OPCML: variants seen among roughly 807,000 people sequenced by gnomAD.
OPCML encodes the protein opioid-binding protein/cell adhesion molecule.
A neutral mutation model predicts 37.8 loss-of-function variants in OPCML; 13 were observed. The ratio of observed to expected loss-of-function variants is 0.34; its 90% CI spans 0.22 to 0.55. OPCML has a LOEUF of 0.55. Among genes scored for constraint, OPCML ranks in the 20% least tolerant of loss-of-function variants. The probability of loss-of-function intolerance (pLI) is 0.91; values close to 1 mark genes in which losing one functional copy is unlikely to be tolerated. For missense variants in OPCML, 341 were observed against 435.6 expected (o/e 0.78, Z 1.93); for synonymous variants, 176 against 168.8 (o/e 1.04, Z -0.33).
chr11:133,025,547 A>G, intron 1 of OPCML: 14 of 817,114 alleles, frequency 1.7e-5, no homozygotes, highest in Non-Finnish European at 2.1e-5. Flanking sequence ...GAAAATTTAA[A>G]AAGAGTGGTT....
intron 3 of OPCML, among the ~76,000 whole-genome samples, chr11:132,539,220 G>A (rs924024781): frequency 2.6e-5 from 4 of 152,168 alleles, no homozygotes; most frequent in African/African-American, 9.7e-5. Flanking sequence ...CTATGAAGTG[G>A]TGCAAAGCTC....
intron 1 of OPCML, among the ~76,000 whole-genome samples, chr11:132,988,225 C>A (rs1407590560): frequency 6.6e-6 from 1 of 152,146 alleles, no homozygotes; most frequent in Admixed American, 6.5e-5. Context: ...CTGGTCAAGG[C>A]TGTGGTTTTC....
chr11:133,465,832 G>C (rs1946965973), intron 1 of OPCML, among the ~76,000 whole-genome samples: 1 of 152,102 alleles, frequency 6.6e-6, no homozygotes, highest in Non-Finnish European at 1.5e-5. Context: ...AAAATATGTA[G>C]CCAACAAATG....
intron 2 of OPCML, among the ~76,000 whole-genome samples, chr11:132,856,658 C>T (rs1217914867): frequency 1.3e-5 from 2 of 152,150 alleles, no homozygotes; most frequent in African/African-American, 4.8e-5. Flanking sequence ...ATATGACCTT[C>T]CTCTAGGAAT....
intron 1 of OPCML, among the ~76,000 whole-genome samples, chr11:133,357,674 T>G (rs188982222): frequency 1.8e-4 from 27 of 152,310 alleles, no homozygotes; most frequent in Non-Finnish European, 3.4e-4. Flanking sequence ...CTAAATTAGC[T>G]GCTGTGATGA....
chr11:132,594,251 G>A (rs960053386), intron 3 of OPCML, among the ~76,000 whole-genome samples: 4 of 152,088 alleles, frequency 2.6e-5, no homozygotes, highest in Admixed American at 1.3e-4. Context: ...AGTAGAGGAA[G>A]GTTAAATAAT....
chr11:133,086,963 T>A (rs1356075862), intron 1 of OPCML, among the ~76,000 whole-genome samples: 2 of 152,210 alleles, frequency 1.3e-5, no homozygotes, highest in East Asian at 3.8e-4. Flanking sequence ...GGATGCTACA[T>A]TAACCCTTAG....
At chr11:132,906,589 CTAG>C (rs1010371340) in intron 2 of OPCML, among the ~76,000 whole-genome samples, 52 of 152,316 alleles carry the variant, frequency 3.4e-4, no homozygotes, top group African/African-American at 1.2e-3. Flanking sequence ...CAGGAAGCAG[CTAG>C]TTAATCCTTG....
chr11:132,932,164 G>A (rs1304047761), intron 2 of OPCML, among the ~76,000 whole-genome samples: 1 of 152,130 alleles, frequency 6.6e-6, no homozygotes, highest in African/African-American at 2.4e-5. Flanking sequence ...GGGAAGAATG[G>A]GGAGTTATTG....
At chr11:132,472,654 C>G (rs1416111036) in intron 4 of OPCML, among the ~76,000 whole-genome samples, 1 of 152,194 alleles carries the variant, frequency 6.6e-6, no homozygotes, top group East Asian at 1.9e-4. Context: ...GCCAGGGCTT[C>G]AGATAAATGG....
rs1466300181 is a variant in OPCML at position 133,008,134 on chromosome 11, T to C, written c.62-65124A>G. 9.1e-6 allele frequency: 9 copies of C among 985,328 alleles called. No homozygotes were observed. The South Asian group carries it at 4.2e-4, about 46-fold the overall frequency. The allele number at this position is 985,328 out of a possible 1,614,324, so 61.0% of individuals were successfully genotyped here. A position where few individuals can be genotyped will look rare whatever the true frequency, so the allele number is the denominator to read the frequency against. Reference sequence around the variant, plus strand: ...TGGATCTTCAGTTCTCCAAGCCTCTTGGGCAGAAAGATGGCTTTAAAATAA... The same window carrying C: ...TGGATCTTCAGTTCTCCAAGCCTCTCGGGCAGAAAGATGGCTTTAAAATAA... On this transcript the variant is annotated intron_variant, in intron 1 of 7. Coordinates refer to ENST00000524381, the MANE Select transcript of OPCML (RefSeq NM_001012393.5).
At chr11:132,503,029 T>C (rs1429572549) in intron 4 of OPCML, among the ~76,000 whole-genome samples, 1 of 152,118 alleles carries the variant, frequency 6.6e-6, no homozygotes. Flanking sequence ...AAATGGTAGG[T>C]GACTTATTCA....
chr11:132,830,117 A>T (rs11223232), intron 2 of OPCML, among the ~76,000 whole-genome samples: 31,673 of 152,160 alleles, frequency 0.21, 4,139 homozygotes, highest in Non-Finnish European at 0.31. Flanking sequence ...TATTATTTTC[A>T]TGTGGGTATG....
intron 2 of OPCML, among the ~76,000 whole-genome samples, chr11:132,875,447 A>G (rs1268028338): frequency 6.6e-6 from 1 of 151,520 alleles, no homozygotes; most frequent in Non-Finnish European, 1.5e-5. Flanking sequence ...CCATCTGCCA[A>G]TGTATTTACC....
chr11:133,085,099 G>A (rs1948799492), intron 1 of OPCML, among the ~76,000 whole-genome samples: 1 of 152,152 alleles, frequency 6.6e-6, no homozygotes, highest in Non-Finnish European at 1.5e-5. Context: ...TAATGTTGAA[G>A]TTCATCCTTC....
chr11:133,167,363 A>G (rs1430700352), intron 1 of OPCML, among the ~76,000 whole-genome samples: 1 of 152,144 alleles, frequency 6.6e-6, no homozygotes, highest in Non-Finnish European at 1.5e-5. Context: ...CCCAAGTTAG[A>G]TATTATTGGT....
intron 1 of OPCML, among the ~76,000 whole-genome samples, chr11:133,069,811 G>T (rs1269834155): frequency 6.6e-6 from 1 of 152,124 alleles, no homozygotes; most frequent in East Asian, 1.9e-4. Context: ...TATCATGATA[G>T]AATTGCTTTT....
At chr11:133,192,590 T>C (rs939659785) in intron 1 of OPCML, among the ~76,000 whole-genome samples, 1 of 152,220 alleles carries the variant, frequency 6.6e-6, no homozygotes, top group African/African-American at 2.4e-5. Context: ...CAATTATAAG[T>C]AGTAGAAAGG....
chr11:133,100,046 A>G (rs1949063528), intron 1 of OPCML, among the ~76,000 whole-genome samples: 1 of 152,210 alleles, frequency 6.6e-6, no homozygotes, highest in Non-Finnish European at 1.5e-5. Context: ...GGAGGCGATT[A>G]TCATAAGCAA....
Sources: gnomAD v4.1 joint callset for allele counts (sites outside exome capture counted in the v4.1 genomes callset) on GRCh38, gnomAD v4.1.1 for gene constraint, MANE v1.5 for transcripts, NCBI Gene and HGNC (gene_info 2026-07-23, HGNC 2026-07-21) for gene names.